CUX1: variants seen among roughly 807,000 people sequenced by gnomAD.
CUX1 encodes the protein cut like homeobox 1.
Under a neutral mutation model 158.8 loss-of-function variants are expected in CUX1, and 31 were observed. The ratio of observed to expected loss-of-function variants is 0.20; its 90% CI spans 0.15 to 0.26. The LOEUF is 0.26. Among genes scored for constraint, CUX1 ranks in the 10% least tolerant of loss-of-function variants. The probability of loss-of-function intolerance (pLI) is 1.00; values close to 1 mark genes in which losing one functional copy is unlikely to be tolerated. For missense variants in CUX1, 1,589 were observed against 2,014.6 expected (o/e 0.79, Z 4.04); for synonymous variants, 879 against 862.1 (o/e 1.02, Z -0.34).
At chr7:102,195,631 CGGT>C in intron 14 of CUX1, 28 bp downstream of exon 14, 1 of 1,571,900 alleles carries the variant, frequency 6.4e-7, no homozygotes, top group East Asian at 2.3e-5. Flanking sequence ...CGCGCGTGTG[CGGT>C]GGTTGGTTCG....
intron 11 of CUX1, among the ~76,000 whole-genome samples, chr7:102,185,607 G>GTT (rs1241609724): frequency 4.4e-5 from 6 of 137,680 alleles, no homozygotes; most frequent in Non-Finnish European, 3.2e-5. Context: ...TTTTTTTTTT[G>GTT]TTTTTTTTTT....
intron 1 of CUX1, among the ~76,000 whole-genome samples, chr7:101,872,491 G>A (rs367666427): frequency 1.3e-5 from 2 of 151,796 alleles, no homozygotes; most frequent in Non-Finnish European, 2.9e-5. Context: ...TGGAGGTGGA[G>A]AGGAGAAAAT....
chr7:102,061,809 T>A (rs904956487), intron 3 of CUX1, among the ~76,000 whole-genome samples: 1 of 151,852 alleles, frequency 6.6e-6, no homozygotes, highest in Non-Finnish European at 1.5e-5. Context: ...CTGAGGCGGG[T>A]AGATCACTTG....
chr7:101,821,556 T>C (rs1792522474), intron 1 of CUX1, among the ~76,000 whole-genome samples: 1 of 151,510 alleles, frequency 6.6e-6, no homozygotes, highest in East Asian at 2.0e-4. Context: ...GCCCGGATGG[T>C]CTCGATCTCC....
intron 1 of CUX1, among the ~76,000 whole-genome samples, chr7:101,838,653 A>G (rs1281793817): frequency 6.6e-6 from 1 of 151,832 alleles, no homozygotes; most frequent in Admixed American, 6.6e-5. Context: ...AATACAAAAA[A>G]TTAGCAGGGC....
chr7:101,920,511 T>G (rs6465838), intron 2 of CUX1, among the ~76,000 whole-genome samples: 34,351 of 152,208 alleles, frequency 0.23, 5,663 homozygotes, highest in African/African-American at 0.46. Flanking sequence ...TCCTCCCACT[T>G]TGGCCTCCCA....
chr7:101,913,281 C>T (rs917764141), intron 1 of CUX1: 50 of 941,252 alleles, frequency 5.3e-5, no homozygotes, highest in Admixed American at 2.6e-4. Flanking sequence ...TGGCGGGTGG[C>T]GGCTCGGTGT....
intron 2 of CUX1, among the ~76,000 whole-genome samples, chr7:101,985,681 A>G (rs1338255398): frequency 6.6e-6 from 1 of 152,206 alleles, no homozygotes; most frequent in Admixed American, 6.5e-5. Flanking sequence ...TAAAATGTGC[A>G]TAAGAGCAAA....
intron 22 of CUX1, among the ~76,000 whole-genome samples, chr7:102,235,586 C>T (rs1427873451): frequency 6.6e-6 from 1 of 151,896 alleles, no homozygotes; most frequent in Non-Finnish European, 1.5e-5. Context: ...CCCGTAATCC[C>T]AGCTACTTGG....
At chr7:102,052,127 A>G (rs915873436) in intron 3 of CUX1, among the ~76,000 whole-genome samples, 13 of 152,180 alleles carry the variant, frequency 8.5e-5, no homozygotes, top group African/African-American at 2.7e-4. Flanking sequence ...AGACTGAGGC[A>G]GGAGAATCAC....
rs745558929 is a variant in CUX1, at chr7:101,947,975, A to G, written c.141+31750A>G. Among the ~76,000 whole-genome samples, 69 of 152,174 alleles carry G rather than the reference A, an allele frequency of 4.5e-4. 1 individual carries two copies. Among genetic ancestry groups the G allele is most frequent in the Admixed American group, 2.5e-3 (38 of 15,274 alleles). ...TTCTGTTGCACCTGATCTCCAGCCA[A>G]AACACTCACATTTTGCCTCATCTGC... is the stretch of plus-strand genomic sequence containing the variant. On this transcript the variant is annotated intron_variant, in intron 2 of 23. Transcript: ENST00000292535.
chr7:101,850,488 G>A (rs1417311168), intron 1 of CUX1, among the ~76,000 whole-genome samples: 6 of 143,478 alleles, frequency 4.2e-5, no homozygotes, highest in African/African-American at 1.3e-4. Flanking sequence ...GCCGTGGTGC[G>A]ATCATGGCTC....
chr7:102,143,891 T>G (rs2131418635), intron 8 of CUX1, among the ~76,000 whole-genome samples: 1 of 152,286 alleles, frequency 6.6e-6, no homozygotes, highest in East Asian at 1.9e-4. Context: ...CAAGCCATCC[T>G]CCTGTCTCAG....
chr7:102,274,253 G>T lies in CUX1; in HGVS notation c.1393G>T (p.Glu465Ter). ...TTCCTGTCACCTGCAGGGTGCCGCT[G>T]AGCACCGCCTGGAGAAGATCCCAGA... The change falls in exon 16 of 23, where the codon GAG becomes TAG. Residue 465 changes from glutamate to a stop codon, truncating the protein, a stop_gained. Transcript: ENST00000292538. LOFTEE classifies it high-confidence loss of function. The T allele has an allele frequency of 6.2e-7, 1 of 1,613,416 alleles. No homozygotes were observed. Among genetic ancestry groups the T allele is most frequent in the South Asian group, 1.1e-5 (1 of 91,038 alleles).
Position 102,115,216 on chromosome 7 carries a change from A to T in CUX1, c.617A>T (p.Lys206Ile), listed in dbSNP as rs1467258522. ...ATTCTTTGCCTTTCAGCCCTGGAAA[A>T]AACTCGAACAGAATTATTTGACCTG... Reference protein sequence around the residue: ...KVQSLQTALEKTRTELFDLKT... With the variant: ...KVQSLQTALEITRTELFDLKT... The change falls in exon 8 of 24, where the codon AAA becomes ATA. Residue 206 changes from lysine to isoleucine, a missense_variant. Lys to Ile is a moderately radical substitution (Grantham distance 102, BLOSUM62 -3). This residue lies in a region of CUX1 where 515 missense variants were observed against 574.4 expected (regional missense o/e 0.90). Transcript: ENST00000292535. 23 of 1,608,450 alleles carry T rather than the reference A, an allele frequency of 1.4e-5. No individual in the cohort carries two copies. Among genetic ancestry groups the T allele is most frequent in the Non-Finnish European group, 1.6e-5 (19 of 1,178,788 alleles).
rs957326462 is a variant in CUX1, at chr7:102,082,366, A to G, written c.268+11949A>G. Among the ~76,000 whole-genome samples the G allele has an allele frequency of 1.8e-4, 26 of 146,478 alleles. 3 individuals are homozygous for G. The highest frequency in any genetic ancestry group is 1.2e-3 in the Admixed American group (18 of 14,484). Reference sequence around the variant, plus strand: ...ACATGGTGAAACCCCGTCTCTACTAAAAATACAAAAATTAGCTGGTGTAAT... The same window carrying G: ...ACATGGTGAAACCCCGTCTCTACTAGAAATACAAAAATTAGCTGGTGTAAT... On this transcript the variant is annotated intron_variant, in intron 4 of 23. Coordinates refer to ENST00000292535, the MANE Select transcript of CUX1 (RefSeq NM_181552.4).
intron 3 of CUX1, among the ~76,000 whole-genome samples, chr7:102,036,780 C>T (rs1052560476): frequency 1.3e-5 from 2 of 151,474 alleles, no homozygotes; most frequent in Non-Finnish European, 2.9e-5. Context: ...AAAAAAACAC[C>T]GGAATCTGGC....
At chr7:102,110,749 G>C (rs1001744921) in intron 6 of CUX1, among the ~76,000 whole-genome samples, 1 of 152,118 alleles carries the variant, frequency 6.6e-6, no homozygotes, top group Non-Finnish European at 1.5e-5. Flanking sequence ...TTTTGCTATA[G>C]TATGTTACAT....
intron 18 of CUX1, among the ~76,000 whole-genome samples, chr7:102,278,355 C>T (rs557112572): frequency 6.6e-6 from 1 of 152,054 alleles, no homozygotes; most frequent in African/African-American, 2.4e-5. Flanking sequence ...TGTGGGAGGC[C>T]GAGGCAGGAG....
Sources: allele counts gnomAD v4.1 joint callset (sites outside exome capture counted in the v4.1 genomes callset), GRCh38; gene constraint gnomAD v4.1.1; regional missense constraint gnomAD v4.1.1; transcripts MANE v1.5; gene names NCBI Gene and HGNC (gene_info 2026-07-23, HGNC 2026-07-21).